ARB2A: variants seen among roughly 807,000 people sequenced by gnomAD.
The protein encoded by ARB2A is cotranscriptional regulator ARB2A.
At chr5:93,700,312 T>C in the ARB2A span, among the ~76,000 whole-genome samples, 1 of 152,040 alleles carries the variant, frequency 6.6e-6, no homozygotes. Context: ...TCATAAATCA[T>C]CCCTAAGGCA....
the ARB2A span, among the ~76,000 whole-genome samples, chr5:93,864,390 T>C: frequency 6.6e-6 from 1 of 152,134 alleles, no homozygotes; most frequent in African/African-American, 2.4e-5. Context: ...CCTTATATGT[T>C]TGATTAGCTT....
the ARB2A span, among the ~76,000 whole-genome samples, chr5:94,015,947 C>T: frequency 6.6e-6 from 1 of 152,030 alleles, no homozygotes; most frequent in Non-Finnish European, 1.5e-5. Context: ...TGAATAATAA[C>T]AGCACTGAAT....
the ARB2A span, among the ~76,000 whole-genome samples, chr5:93,826,385 T>C: frequency 6.6e-6 from 1 of 152,218 alleles, no homozygotes; most frequent in African/African-American, 2.4e-5. Flanking sequence ...ACTTGCCATC[T>C]AGAAGTTAGT....
At chr5:93,951,753 A>C in the ARB2A span, among the ~76,000 whole-genome samples, 2 of 152,142 alleles carry the variant, frequency 1.3e-5, no homozygotes, top group African/African-American at 4.8e-5. Context: ...AAGTCAAGTG[A>C]AGTGGCTCAC....
the ARB2A span, among the ~76,000 whole-genome samples, chr5:93,896,416 T>C: frequency 6.6e-6 from 1 of 152,054 alleles, no homozygotes; most frequent in Non-Finnish European, 1.5e-5. Context: ...CTAAAAACAC[T>C]GTATAAAGTT....
At chr5:94,068,862 CAAAAAAAAAAA>C in the ARB2A span, among the ~76,000 whole-genome samples, 8 of 62,336 alleles carry the variant, frequency 1.3e-4, no homozygotes, top group East Asian at 1.5e-3. Context: ...ACTAAAAATA[CAAAAAAAAAAA>C]AAAAAAAAAA....
At chr5:94,007,187 G>A in the ARB2A span, among the ~76,000 whole-genome samples, 1 of 152,048 alleles carries the variant, frequency 6.6e-6, no homozygotes, top group Non-Finnish European at 1.5e-5. Flanking sequence ...ATCTTTATTT[G>A]TAACATATCA....
the ARB2A span, among the ~76,000 whole-genome samples, chr5:93,712,983 T>A: frequency 2.6e-5 from 4 of 152,138 alleles, no homozygotes; most frequent in Admixed American, 6.5e-5. Context: ...TAAATGGTGC[T>A]GGGAAAACTG....
the ARB2A span, among the ~76,000 whole-genome samples, chr5:93,929,413 T>C: frequency 1.1e-4 from 17 of 152,212 alleles, no homozygotes; most frequent in East Asian, 3.1e-3. Context: ...TTTTATACTG[T>C]AAAAATCTAA....
chr5:93,772,833 C>T, the ARB2A span, among the ~76,000 whole-genome samples: 1 of 152,222 alleles, frequency 6.6e-6, no homozygotes, highest in Admixed American at 6.5e-5. Flanking sequence ...TGGTTTCCAT[C>T]ACAGTGAGCA....
the ARB2A span, among the ~76,000 whole-genome samples, chr5:94,007,198 C>T: frequency 6.6e-6 from 1 of 152,026 alleles, no homozygotes; most frequent in Non-Finnish European, 1.5e-5. Flanking sequence ...TAACATATCA[C>T]AAGGAACCAT....
chr5:94,047,284 G>C, the ARB2A span, among the ~76,000 whole-genome samples: 1 of 152,138 alleles, frequency 6.6e-6, no homozygotes, highest in Non-Finnish European at 1.5e-5. Context: ...CTGAGGTCAG[G>C]AGTTCGAGAC....
At chr5:94,049,464 G>A in the ARB2A span, among the ~76,000 whole-genome samples, 6 of 152,200 alleles carry the variant, frequency 3.9e-5, no homozygotes, top group African/African-American at 7.2e-5. Context: ...CTGGGAGGCC[G>A]AGGCAGGCGG....
At chr5:93,701,514 C>G in the ARB2A span, among the ~76,000 whole-genome samples, 4 of 151,936 alleles carry the variant, frequency 2.6e-5, no homozygotes, top group African/African-American at 4.8e-5. Flanking sequence ...TCACCCCAAG[C>G]AATTTAGTCA....
the ARB2A span, among the ~76,000 whole-genome samples, chr5:94,001,178 C>A: frequency 5.9e-5 from 9 of 152,150 alleles, no homozygotes; most frequent in East Asian, 1.4e-3. Flanking sequence ...TTAATATCCA[C>A]AAAATAACTT....
the ARB2A span, among the ~76,000 whole-genome samples, chr5:93,635,380 T>TA: frequency 6.6e-6 from 1 of 152,104 alleles, no homozygotes; most frequent in African/African-American, 2.4e-5. Flanking sequence ...CTTCCTCTAC[T>TA]AAGCCTTCTT....
At chr5:93,964,483 C>T in the ARB2A span, 12 of 1,579,254 alleles carry the variant, frequency 7.6e-6, no homozygotes, top group Non-Finnish European at 1.0e-5. Flanking sequence ...TTTCAAATTA[C>T]AATCCTTTTC....
chr5:93,699,419 T>C, the ARB2A span, among the ~76,000 whole-genome samples: 174 of 152,270 alleles, frequency 1.1e-3, no homozygotes, highest in African/African-American at 3.5e-3. Context: ...TAAAATCCAA[T>C]CATCTTATTC....
the ARB2A span, among the ~76,000 whole-genome samples, chr5:94,004,563 C>G: frequency 1.4e-5 from 2 of 146,262 alleles, no homozygotes; most frequent in South Asian, 4.3e-4. Context: ...GCCTGGGCGA[C>G]AAAGTGAGAC....
Sources: gnomAD v4.1 joint callset for allele counts (sites outside exome capture counted in the v4.1 genomes callset) on GRCh38, gnomAD v4.1.1 for gene constraint, MANE v1.5 for transcripts, NCBI Gene and HGNC (gene_info 2026-07-23, HGNC 2026-07-21) for gene names.